The following CADM1 variants were observed in gnomAD, a reference collection of about 807,000 sequenced individuals.
The protein encoded by CADM1 is TSLC-1.
In CADM1, 15 loss-of-function variants were observed where a neutral mutation model predicts 53.1. That is an observed-to-expected ratio of 0.28 (90% CI 0.19 to 0.44). The LOEUF (loss-of-function observed/expected upper bound fraction) is 0.44. CADM1 is among the 20% of genes least tolerant of loss of function. CADM1 has a pLI of 1.00. For missense variants in CADM1, 434 were observed against 611.3 expected, an observed-to-expected ratio of 0.71 and a Z score of 3.06; for synonymous variants, 281 against 243.0, an observed-to-expected ratio of 1.16 and a Z score of -1.45.
intron 1 of CADM1, among the ~76,000 whole-genome samples, chr11:115,299,529 G>A (rs780872056): frequency 1.3e-5 from 2 of 152,066 alleles, no homozygotes; most frequent in South Asian, 2.1e-4. Flanking sequence ...ACACCAATAC[G>A]CATCATGGTG....
chr11:115,361,083 T>C (rs566285678), intron 1 of CADM1, among the ~76,000 whole-genome samples: 1 of 152,280 alleles, frequency 6.6e-6, no homozygotes, highest in African/African-American at 2.4e-5. Flanking sequence ...CTTCTTGATC[T>C]CAAATTCTGC....
At chr11:115,260,964 A>G (rs1398157642) in intron 1 of CADM1, among the ~76,000 whole-genome samples, 3 of 152,066 alleles carry the variant, frequency 2.0e-5, no homozygotes, top group Non-Finnish European at 2.9e-5. Flanking sequence ...ATGAGCCACC[A>G]TGCCCATCCT....
chr11:115,332,810 T>C (rs976119240), intron 1 of CADM1, among the ~76,000 whole-genome samples: 2 of 152,046 alleles, frequency 1.3e-5, no homozygotes, highest in African/African-American at 2.4e-5. Context: ...AATCTGATAG[T>C]AAATGAAGAG....
At chr11:115,324,937 C>T (rs78494977) in intron 1 of CADM1, among the ~76,000 whole-genome samples, 2,295 of 152,242 alleles carry the variant, frequency 0.015, 61 homozygotes, top group African/African-American at 0.051. Flanking sequence ...GATTCACCTG[C>T]GCCACGTTAT....
At chr11:115,452,666 T>C (rs1269880675) in intron 1 of CADM1, among the ~76,000 whole-genome samples, 3 of 152,076 alleles carry the variant, frequency 2.0e-5, no homozygotes, top group African/African-American at 4.8e-5. Context: ...CCTGCAAACA[T>C]AGATGGAGAG....
intron 1 of CADM1, among the ~76,000 whole-genome samples, chr11:115,385,948 T>G (rs776651490): frequency 4.6e-5 from 7 of 152,244 alleles, no homozygotes; most frequent in African/African-American, 1.7e-4. Flanking sequence ...CTTCCCTGCA[T>G]TGGGATTTCC....
chr11:115,288,081 G>A (rs904819707), intron 1 of CADM1, among the ~76,000 whole-genome samples: 2 of 152,170 alleles, frequency 1.3e-5, no homozygotes, highest in Non-Finnish European at 2.9e-5. Context: ...TCAGAATCTG[G>A]AGCATGTGAA....
chr11:115,431,213 T>C (rs1948039782), intron 1 of CADM1, among the ~76,000 whole-genome samples: 1 of 152,206 alleles, frequency 6.6e-6, no homozygotes, highest in Non-Finnish European at 1.5e-5. Flanking sequence ...AAATAAGGAT[T>C]ATTTCGTGTT....
chr11:115,501,330 C>G (rs1277882043), intron 1 of CADM1, among the ~76,000 whole-genome samples: 1 of 152,146 alleles, frequency 6.6e-6, no homozygotes, highest in Non-Finnish European at 1.5e-5. Context: ...TTTGTAAAGT[C>G]TCTATCCCCG....
At chr11:115,300,215 T>C (rs1944183220) in intron 1 of CADM1, among the ~76,000 whole-genome samples, 1 of 152,138 alleles carries the variant, frequency 6.6e-6, no homozygotes, top group Admixed American at 6.6e-5. Flanking sequence ...CCTAGAGACC[T>C]CCTGAAGATG....
chr11:115,212,497 T>C (rs1351593978), intron 7 of CADM1, among the ~76,000 whole-genome samples: 1 of 152,130 alleles, frequency 6.6e-6, no homozygotes, highest in Non-Finnish European at 1.5e-5. Flanking sequence ...CAAGGATAGG[T>C]GTACCATCTT....
At chr11:115,341,964 A>G (rs896400714) in intron 1 of CADM1, among the ~76,000 whole-genome samples, 1 of 152,212 alleles carries the variant, frequency 6.6e-6, no homozygotes, top group Non-Finnish European at 1.5e-5. Context: ...AATACAATTT[A>G]CTTCTTGCTT....
chr11:115,334,381 C>G (rs1025245288), intron 1 of CADM1, among the ~76,000 whole-genome samples: 7 of 151,786 alleles, frequency 4.6e-5, no homozygotes, highest in African/African-American at 1.7e-4. Context: ...ATACAGTAGT[C>G]CCCCCCTTAT....
At chr11:115,185,862 T>C (rs1939519363) in intron 10 of CADM1, among the ~76,000 whole-genome samples, 1 of 152,246 alleles carries the variant, frequency 6.6e-6, no homozygotes, top group African/African-American at 2.4e-5. Context: ...TGGAGAAAGA[T>C]GCTTCAGTGG....
chr11:115,413,644 C>CTTTTTTTTGTTTTTTT (rs1947514088), intron 1 of CADM1, among the ~76,000 whole-genome samples: 1 of 120,916 alleles, frequency 8.3e-6, no homozygotes, highest in Admixed American at 8.2e-5. Context: ...CAGCTCAGTT[C>CTTTTTTTTGTTTTTTT]TTTTTTTTTT....
At chr11:115,484,123 T>C (rs1949316609) in intron 1 of CADM1, among the ~76,000 whole-genome samples, 1 of 152,190 alleles carries the variant, frequency 6.6e-6, no homozygotes, top group Non-Finnish European at 1.5e-5. Context: ...TCAGCATGTT[T>C]CCACATTAGG....
rs201910726 is a variant in CADM1 at position 115,214,445 on chromosome 11, G to C, written c.994+163C>G. On this transcript the variant is annotated intron_variant, in intron 7 of 11. Coordinates refer to ENST00000331581, the MANE Select transcript of CADM1 (RefSeq NM_001301043.2). ...GGAGAGAAGAAAAGTCACTATCCCA[G>C]GTGGAGACACTAGGGTCCACCTCAG... The C allele has an allele frequency of 5.9e-6, 4 of 673,464 alleles. No individual in the cohort carries two copies. In the East Asian group the frequency reaches 1.1e-4, roughly 18 times the overall value. 41.7% of individuals were successfully genotyped at this position (673,464 alleles called of 1,614,324 possible). A position where few individuals can be genotyped will look rare whatever the true frequency, so the allele number is the denominator to read the frequency against.
rs1938805328 is a variant in CADM1, at chr11:115,171,976, A to C, written c.*4498T>G. Reference sequence around the variant, plus strand: ...ATCGTTTTAGTCACCATTTGCCTCTATCCTGTGACTGACATGTAATGAACA... The same window carrying C: ...ATCGTTTTAGTCACCATTTGCCTCTCTCCTGTGACTGACATGTAATGAACA... On this transcript the variant is annotated 3_prime_UTR_variant, in exon 12 of 12. Transcript: ENST00000331581. 6.6e-6 allele frequency: 1 copy of C among 152,208 alleles called. No individual in the cohort carries two copies. The highest frequency in any genetic ancestry group is 1.5e-5 in the Non-Finnish European group (1 of 68,044). The allele number at this position is 152,208 out of a possible 1,614,324, so 9.4% of individuals were successfully genotyped here.
chr11:115,337,966 A>G (rs898892384), intron 1 of CADM1, among the ~76,000 whole-genome samples: 1 of 152,164 alleles, frequency 6.6e-6, no homozygotes, highest in Admixed American at 6.6e-5. Flanking sequence ...AAATAACCTA[A>G]GCTCAAAGCT....
Sources: allele counts gnomAD v4.1 joint callset (sites outside exome capture counted in the v4.1 genomes callset), GRCh38; gene constraint gnomAD v4.1.1; transcripts MANE v1.5; gene names NCBI Gene and HGNC (gene_info 2026-07-23, HGNC 2026-07-21).